Variants in LUZP2 observed in about 807,000 individuals in gnomAD.
LUZP2 encodes leucine zipper protein 2.
In LUZP2, 52 loss-of-function variants were observed where a neutral mutation model predicts 51.6. The observed-to-expected ratio is 1.01, with a 90% CI of 0.81 to 1.27. The LOEUF is 1.27. Among genes scored for constraint, LUZP2 ranks in the 50% most tolerant of loss-of-function variants. The pLI is 0.00. For synonymous variants in LUZP2, 154 were observed against 137.3 expected (o/e 1.12, Z -0.85); for missense variants, 436 against 395.4 (o/e 1.10, Z -0.87).
rs117696718 is a variant in LUZP2 at position 25,028,016 on chromosome 11, G to A, written c.766-22022G>A. On this transcript the variant is annotated intron_variant, in intron 9 of 11. Transcript: ENST00000336930. ...CTTTCCGTCTATTGGAACTTGCTAC[G>A]TGGAGAATATTCATATCCCAGTTTT... is the stretch of plus-strand genomic sequence containing the variant. Among the ~76,000 whole-genome samples, 1,194 of 152,068 alleles carry A rather than the reference G, an allele frequency of 7.9e-3. 33 individuals are homozygous for A. The East Asian group carries it at 0.099, about 13-fold the overall frequency.
intron 9 of LUZP2, among the ~76,000 whole-genome samples, chr11:25,042,975 G>C (rs1330314399): frequency 6.6e-6 from 1 of 152,098 alleles, no homozygotes; most frequent in African/African-American, 2.4e-5. Context: ...CATAATGGTG[G>C]GAGCATGATC....
chr11:25,046,584 A>G (rs1240058224), intron 9 of LUZP2, among the ~76,000 whole-genome samples: 1 of 152,152 alleles, frequency 6.6e-6, no homozygotes, highest in Non-Finnish European at 1.5e-5. Context: ...CTAGCTTCCA[A>G]GATGAAACAA....
chr11:24,859,595 A>G lies in LUZP2; in HGVS notation c.397-46396A>G, dbSNP rs541965158. 2.6e-5 allele frequency among the ~76,000 whole-genome samples: 4 copies of G among 152,282 alleles called. No individual in the cohort carries two copies. In the East Asian group the frequency reaches 5.8e-4, roughly 22 times the overall value. The stretch of plus-strand genomic sequence containing the variant: ...AGAAGCATGGTGCTCGGAGGCTTCC[A>G]TCGAAAAAACCATAACAAGTGTGTG... On this transcript the variant is annotated intron_variant, in intron 5 of 11. Transcript: ENST00000336930.
chr11:24,706,203 T>C (rs777147785), intron 1 of LUZP2, among the ~76,000 whole-genome samples: 4 of 152,184 alleles, frequency 2.6e-5, no homozygotes, highest in Non-Finnish European at 5.9e-5. Flanking sequence ...ATAATGAAGA[T>C]GATAATTTCC....
chr11:24,580,944 A>G (rs1051016384), intron 1 of LUZP2, among the ~76,000 whole-genome samples: 4 of 152,104 alleles, frequency 2.6e-5, no homozygotes, highest in Admixed American at 2.0e-4. Context: ...TGAACCAAGT[A>G]TAAGAAAAAA....
intron 7 of LUZP2, among the ~76,000 whole-genome samples, chr11:24,949,029 T>C (rs1854991390): frequency 6.6e-6 from 1 of 151,382 alleles, no homozygotes; most frequent in African/African-American, 2.4e-5. Flanking sequence ...TAATTAAAAC[T>C]AAAAGAAAAA....
At chr11:24,932,200 G>A (rs1854475464) in intron 7 of LUZP2, among the ~76,000 whole-genome samples, 1 of 152,174 alleles carries the variant, frequency 6.6e-6, no homozygotes, top group Admixed American at 6.5e-5. Flanking sequence ...CTTGGTTATA[G>A]TTTTGTTTAT....
chr11:25,038,645 T>C (rs1241977662), intron 9 of LUZP2, among the ~76,000 whole-genome samples: 4 of 152,230 alleles, frequency 2.6e-5, no homozygotes, highest in Admixed American at 6.5e-5. Context: ...TTCCAGTCTA[T>C]CATTTCAGAC....
intron 5 of LUZP2, among the ~76,000 whole-genome samples, chr11:24,879,435 A>G (rs2896717): frequency 0.49 from 73,981 of 152,040 alleles, 18,475 homozygotes; most frequent in East Asian, 0.69. Flanking sequence ...TATATACTCA[A>G]TAATGGGATT....
At chr11:25,076,201 TGTTTTC>T (rs778596251) in intron 10 of LUZP2, among the ~76,000 whole-genome samples, 1,524 of 145,922 alleles carry the variant, frequency 0.01, 10 homozygotes, top group East Asian at 0.014. Flanking sequence ...TTTTTGTTCT[TGTTTTC>T]GTTTTTGTTT....
intron 7 of LUZP2, among the ~76,000 whole-genome samples, chr11:24,922,851 T>C (rs945861027): frequency 1.2e-4 from 15 of 120,636 alleles, no homozygotes; most frequent in African/African-American, 2.0e-4. Flanking sequence ...TTTTTTTTTT[T>C]TTTTTTTTTT....
intron 1 of LUZP2, among the ~76,000 whole-genome samples, chr11:24,555,593 T>C (rs998442527): frequency 1.3e-5 from 2 of 152,160 alleles, no homozygotes; most frequent in African/African-American, 4.8e-5. Context: ...CACAGAAGGA[T>C]CAAACTCAGA....
chr11:24,553,247 T>C (rs1851771936), intron 1 of LUZP2, among the ~76,000 whole-genome samples: 1 of 151,908 alleles, frequency 6.6e-6, no homozygotes, highest in Non-Finnish European at 1.5e-5. Context: ...GAAAGTGATA[T>C]TATTTATAAG....
intron 5 of LUZP2, among the ~76,000 whole-genome samples, chr11:24,859,312 A>G (rs1254481302): frequency 1.3e-5 from 2 of 152,192 alleles, no homozygotes; most frequent in African/African-American, 4.8e-5. Context: ...GTAGCTCATC[A>G]TTATTTATGA....
chr11:24,663,610 A>G (rs1014356197), intron 1 of LUZP2, among the ~76,000 whole-genome samples: 1 of 152,088 alleles, frequency 6.6e-6, no homozygotes, highest in African/African-American at 2.4e-5. Flanking sequence ...AATCTTTGTA[A>G]TATCTAATTC....
rs571144735 is a variant in LUZP2 at position 24,745,762 on chromosome 11, C to T, written c.333+7460C>T. 1.1e-4 allele frequency among the ~76,000 whole-genome samples: 17 copies of T among 152,200 alleles called. No homozygotes were observed. The South Asian group carries it at 3.5e-3, about 32-fold the overall frequency. ...GCACAATCTTGGCTCACTGCAACCT[C>T]CACCTCCTGGGTTCAAGCGATTTTC... On this transcript the variant is annotated intron_variant, in intron 4 of 11. Coordinates refer to ENST00000336930, the MANE Select transcript of LUZP2 (RefSeq NM_001009909.4).
chr11:24,558,534 C>T (rs948877199), intron 1 of LUZP2, among the ~76,000 whole-genome samples: 3 of 151,974 alleles, frequency 2.0e-5, no homozygotes, highest in Non-Finnish European at 2.9e-5. Flanking sequence ...TATCCTGAAA[C>T]GCAGGCAAAA....
At chr11:24,575,943 G>T (rs1363803083) in intron 1 of LUZP2, among the ~76,000 whole-genome samples, 1 of 151,798 alleles carries the variant, frequency 6.6e-6, no homozygotes, top group African/African-American at 2.4e-5. Flanking sequence ...AGTTCATTTG[G>T]ACAGATAGCC....
At chr11:24,783,739 A>G (rs906809405) in intron 5 of LUZP2, among the ~76,000 whole-genome samples, 1 of 152,066 alleles carries the variant, frequency 6.6e-6, no homozygotes, top group African/African-American at 2.4e-5. Context: ...TTATAACTCA[A>G]AAGTTATCAC....
Sources: gnomAD v4.1 joint callset for allele counts (sites outside exome capture counted in the v4.1 genomes callset) on GRCh38, gnomAD v4.1.1 for gene constraint, MANE v1.5 for transcripts, NCBI Gene and HGNC (gene_info 2026-07-23, HGNC 2026-07-21) for gene names.